The following DLG2 variants were observed in gnomAD, a reference collection of about 807,000 sequenced individuals.
DLG2 encodes disks large homolog 2.
DLG2 carries 45 observed loss-of-function variants against 132.5 expected under a neutral mutation model. That is an observed-to-expected ratio of 0.34 (90% CI 0.27 to 0.44). DLG2 has a LOEUF of 0.44. Among genes scored for constraint, DLG2 ranks in the 20% least tolerant of loss-of-function variants. The pLI, the probability that DLG2 is intolerant of heterozygous loss-of-function variation, is 1.00. For missense variants in DLG2, 1,045 were observed against 1,196.9 expected, an observed-to-expected ratio of 0.87 and a Z score of 1.87; for synonymous variants, 424 against 419.6, an observed-to-expected ratio of 1.01 and a Z score of -0.13.
chr11:84,913,840 A>C (rs1348108352), intron 6 of DLG2, among the ~76,000 whole-genome samples: 2 of 152,228 alleles, frequency 1.3e-5, no homozygotes, highest in Non-Finnish European at 2.9e-5. Flanking sequence ...TCATTAGTTT[A>C]CTTTTCCTAA....
chr11:85,032,875 T>G (rs1355991158), intron 6 of DLG2, among the ~76,000 whole-genome samples: 1 of 152,166 alleles, frequency 6.6e-6, no homozygotes, highest in East Asian at 1.9e-4. Flanking sequence ...TAGAGATGCC[T>G]CAAAAGCCTA....
At chr11:83,820,761 T>C (rs528074407) in intron 17 of DLG2, among the ~76,000 whole-genome samples, 2 of 152,260 alleles carry the variant, frequency 1.3e-5, no homozygotes, top group South Asian at 2.1e-4. Flanking sequence ...AAATATGTAG[T>C]ATAGGAACAG....
chr11:84,083,637 ATC>A (rs2096934106), intron 10 of DLG2, among the ~76,000 whole-genome samples: 2 of 152,112 alleles, frequency 1.3e-5, no homozygotes, highest in Admixed American at 6.6e-5. Flanking sequence ...GGCCTATAGT[ATC>A]TCTCTCTGTA....
chr11:84,577,171 G>A (rs1197693759), intron 6 of DLG2, among the ~76,000 whole-genome samples: 1 of 152,140 alleles, frequency 6.6e-6, no homozygotes, highest in Non-Finnish European at 1.5e-5. Context: ...CATGTGGAAT[G>A]GTACGTCCAA....
At chr11:84,896,227 CATT>C (rs2154067405) in intron 6 of DLG2, among the ~76,000 whole-genome samples, 1 of 152,164 alleles carries the variant, frequency 6.6e-6, no homozygotes, top group African/African-American at 2.4e-5. Flanking sequence ...AGCAACAAAT[CATT>C]ATCCAAACTT....
At chr11:85,404,491 GAT>G (rs1295315342) in intron 3 of DLG2, among the ~76,000 whole-genome samples, 1 of 151,926 alleles carries the variant, frequency 6.6e-6, no homozygotes, top group Middle Eastern at 3.2e-3. Flanking sequence ...AAATTAATAT[GAT>G]AGAGTTTCTG....
chr11:83,590,236 G>A (rs2097164291), intron 19 of DLG2, among the ~76,000 whole-genome samples: 1 of 151,348 alleles, frequency 6.6e-6, no homozygotes, highest in South Asian at 2.1e-4. Flanking sequence ...CCACATAGTT[G>A]GAAGTAAAGC....
chr11:83,898,433 G>C (rs971251740), intron 15 of DLG2, among the ~76,000 whole-genome samples: 3 of 151,990 alleles, frequency 2.0e-5, no homozygotes, highest in Admixed American at 6.6e-5. Context: ...TATAGACTCA[G>C]AAGATAGAAA....
chr11:85,013,674 A>G (rs371081230), intron 6 of DLG2, among the ~76,000 whole-genome samples: 1 of 152,298 alleles, frequency 6.6e-6, no homozygotes, highest in East Asian at 1.9e-4. Context: ...GAAGGAAAGA[A>G]ATGCCCATAA....
chr11:85,227,380 T>G (rs1403319989), intron 4 of DLG2, among the ~76,000 whole-genome samples: 1 of 152,126 alleles, frequency 6.6e-6, no homozygotes, highest in African/African-American at 2.4e-5. Context: ...AGTTTTTGGT[T>G]TGTTGTTCCC....
chr11:83,639,708 G>A (rs996365349), intron 18 of DLG2, among the ~76,000 whole-genome samples: 5 of 150,484 alleles, frequency 3.3e-5, no homozygotes, highest in Non-Finnish European at 7.4e-5. Flanking sequence ...GTATACATAT[G>A]TAACAAACCT....
intron 8 of DLG2, among the ~76,000 whole-genome samples, chr11:84,177,676 C>T (rs1018225606): frequency 6.6e-6 from 1 of 152,238 alleles, no homozygotes; most frequent in Admixed American, 6.6e-5. Flanking sequence ...TTTGACTCTG[C>T]CAGTTAATAG....
At chr11:84,435,888 G>T (rs2098999164) in intron 7 of DLG2, among the ~76,000 whole-genome samples, 1 of 152,086 alleles carries the variant, frequency 6.6e-6, no homozygotes, top group Admixed American at 6.6e-5. Context: ...TTTGGCATAA[G>T]ACATTATCTC....
At chr11:84,297,215 G>T (rs2098102634) in intron 7 of DLG2, among the ~76,000 whole-genome samples, 2 of 151,866 alleles carry the variant, frequency 1.3e-5, no homozygotes, top group South Asian at 4.2e-4. Context: ...AAGTTTGGGA[G>T]GAGGTTAAGG....
intron 3 of DLG2, among the ~76,000 whole-genome samples, chr11:85,425,335 T>C (rs1391215078): frequency 3.3e-5 from 5 of 152,162 alleles, no homozygotes; most frequent in African/African-American, 1.2e-4. Context: ...TCAAAAAAGT[T>C]CATTTAAATA....
intron 6 of DLG2, among the ~76,000 whole-genome samples, chr11:84,675,687 C>T (rs1464489480): frequency 6.6e-6 from 1 of 152,050 alleles, no homozygotes. Context: ...AGATAACTGA[C>T]ATTAGACGGG....
chr11:84,831,703 T>A (rs1423878335), intron 6 of DLG2, among the ~76,000 whole-genome samples: 1 of 151,710 alleles, frequency 6.6e-6, no homozygotes, highest in East Asian at 1.9e-4. Context: ...TCTGGCTGCC[T>A]TTACCACCTC....
chr11:84,193,468 G>C (rs1034839909), intron 8 of DLG2, among the ~76,000 whole-genome samples: 10 of 152,300 alleles, frequency 6.6e-5, no homozygotes, highest in East Asian at 5.8e-4. Context: ...ACAGTGCTTA[G>C]AAGAATGGCT....
chr11:83,930,598 A>C, intron 14 of DLG2, 115 bp from the exon 15 acceptor site: 1 of 1,111,882 alleles, frequency 9.0e-7, no homozygotes, highest in Non-Finnish European at 1.3e-6. Context: ...TTTTATCTTG[A>C]TTTGTTACTA....
Sources: allele counts gnomAD v4.1 joint callset (sites outside exome capture counted in the v4.1 genomes callset), GRCh38; gene constraint gnomAD v4.1.1; transcripts MANE v1.5; gene names NCBI Gene and HGNC (gene_info 2026-07-23, HGNC 2026-07-21).